PAAF1: variants seen among roughly 807,000 people sequenced by gnomAD.
PAAF1 encodes proteasomal ATPase-associated factor 1.
PAAF1 carries 46 observed loss-of-function variants against 52.8 expected under a neutral mutation model. That is an observed-to-expected ratio of 0.87 (90% confidence interval 0.69 to 1.11). PAAF1 has a LOEUF of 1.11. Among genes scored for constraint, PAAF1 ranks in the 50% most tolerant of loss-of-function variants. PAAF1 has a pLI of 0.00. For synonymous variants in PAAF1, 178 were observed against 172.8 expected, an observed-to-expected ratio of 1.03 and a Z score of -0.24; for missense variants, 424 against 477.4, an observed-to-expected ratio of 0.89 and a Z score of 1.04.
chr11:73,915,046 A>G (rs1044482602), intron 8 of PAAF1, among the ~76,000 whole-genome samples: 4 of 152,228 alleles, frequency 2.6e-5, no homozygotes, highest in African/African-American at 9.6e-5. Flanking sequence ...AGAATAAAAA[A>G]ATAAAATAAA....
intron 6 of PAAF1, among the ~76,000 whole-genome samples, chr11:73,902,998 T>A (rs1159696882): frequency 6.6e-6 from 1 of 152,184 alleles, no homozygotes; most frequent in Non-Finnish European, 1.5e-5. Flanking sequence ...GCGCCCGGCC[T>A]AGAATGTTAA....
intron 4 of PAAF1, among the ~76,000 whole-genome samples, chr11:73,896,736 T>C (rs1228640192): frequency 6.6e-6 from 1 of 152,218 alleles, no homozygotes; most frequent in African/African-American, 2.4e-5. Context: ...ATTCTCAATC[T>C]TTTCCCCACC....
intron 2 of PAAF1, among the ~76,000 whole-genome samples, chr11:73,882,509 C>G (rs1044574031): frequency 2.7e-5 from 4 of 148,932 alleles, no homozygotes; most frequent in Admixed American, 6.7e-5. Flanking sequence ...TGCAGTGGTG[C>G]GATCTCCGCT....
rs1011295866 is a variant in PAAF1 at position 73,928,133 on chromosome 11, A to G, written c.*771A>G. ...AATAGAAATTGTTAGGCCCAATCCTAGACCTAAATCAGAAATTCTACGGGT... is the reference window on the plus strand; with the variant it reads ...AATAGAAATTGTTAGGCCCAATCCTGGACCTAAATCAGAAATTCTACGGGT... On this transcript the variant is annotated 3_prime_UTR_variant, in exon 12 of 12. Coordinates refer to ENST00000310571, the MANE Select transcript of PAAF1 (RefSeq NM_025155.3). 6.6e-6 allele frequency: 1 copy of G among 152,266 alleles called. No individual in the cohort carries two copies. The highest frequency in any genetic ancestry group is 2.1e-4 in the South Asian group (1 of 4,832). 9.4% of individuals were successfully genotyped at this position (152,266 alleles called of 1,614,324 possible). A position where few individuals can be genotyped will look rare whatever the true frequency, so the allele number is the denominator to read the frequency against.
In PAAF1 at chr11:73,930,740, C is replaced by G. The variant is rs937877783; in HGVS notation, c.*3378C>G. 3 of 148,996 alleles carry G rather than the reference C, an allele frequency of 2.0e-5. No homozygotes were observed. Among genetic ancestry groups the G allele is most frequent in the Non-Finnish European group, 4.4e-5 (3 of 67,478 alleles). The allele number at this position is 148,996 out of a possible 1,614,324, so 9.2% of individuals were successfully genotyped here. A position where few individuals can be genotyped will look rare whatever the true frequency, so the allele number is the denominator to read the frequency against. On this transcript the variant is annotated 3_prime_UTR_variant, in exon 12 of 12. Coordinates refer to ENST00000310571, the MANE Select transcript of PAAF1 (RefSeq NM_025155.3). ...CCAGCTTGGGCAACAGAGCGAGACTCTCTCTCAAAAAAGAAAAAAAAAATA... is the reference window on the plus strand; with the variant it reads ...CCAGCTTGGGCAACAGAGCGAGACTGTCTCTCAAAAAAGAAAAAAAAAATA...
At chr11:73,898,496 G>A (rs1181454591) in intron 4 of PAAF1, among the ~76,000 whole-genome samples, 1 of 152,052 alleles carries the variant, frequency 6.6e-6, no homozygotes, top group Non-Finnish European at 1.5e-5. Context: ...GATTACACAG[G>A]TGTGAGCCAC....
At chr11:73,907,477 T>G (rs186982227) in intron 6 of PAAF1, among the ~76,000 whole-genome samples, 6 of 152,308 alleles carry the variant, frequency 3.9e-5, no homozygotes, top group Admixed American at 3.9e-4. Context: ...CCACCTGACT[T>G]GCATCACCTC....
At chr11:73,901,548 CTG>C (rs1444677171) in intron 6 of PAAF1, among the ~76,000 whole-genome samples, 1 of 151,718 alleles carries the variant, frequency 6.6e-6, no homozygotes, top group Non-Finnish European at 1.5e-5. Flanking sequence ...ATTTTTAACT[CTG>C]TGTTTTTGTG....
intron 10 of PAAF1, chr11:73,921,604 T>G: frequency 1.5e-6 from 1 of 646,976 alleles, no homozygotes; most frequent in Non-Finnish European, 3.0e-6. Context: ...TCGTATATCT[T>G]GCTGGAAAAT....
chr11:73,888,177 TG>T (rs1949112603), intron 3 of PAAF1, among the ~76,000 whole-genome samples: 1 of 152,256 alleles, frequency 6.6e-6, no homozygotes, highest in Non-Finnish European at 1.5e-5. Context: ...CAAAACTCCA[TG>T]TATATTTTAC....
chr11:73,925,465 CAAAAA>C (rs369208529), intron 11 of PAAF1, among the ~76,000 whole-genome samples: 1 of 83,526 alleles, frequency 1.2e-5, no homozygotes. Context: ...GACCCTGTCT[CAAAAA>C]AAAAAAAAAA....
chr11:73,908,309 A>G (rs192913183), intron 6 of PAAF1, among the ~76,000 whole-genome samples: 15 of 144,428 alleles, frequency 1.0e-4, no homozygotes, highest in Admixed American at 2.8e-4. Context: ...GTATATATGT[A>G]TATATATGTG....
intron 9 of PAAF1, among the ~76,000 whole-genome samples, chr11:73,918,357 T>TTTTTTG: frequency 1.6e-5 from 2 of 122,288 alleles, no homozygotes; most frequent in African/African-American, 3.8e-5. Context: ...ACTTAATTTT[T>TTTTTTG]TTTTTTTTTT....
chr11:73,898,268 G>A (rs1949488728), intron 4 of PAAF1, among the ~76,000 whole-genome samples: 1 of 151,158 alleles, frequency 6.6e-6, no homozygotes, highest in Non-Finnish European at 1.5e-5. Flanking sequence ...GAGAGGGAGA[G>A]GAATAGCTGA....
Position 73,930,056 on chromosome 11 carries a change from C to CAA in PAAF1, c.*2708_*2709dup, listed in dbSNP as rs1251882286. On this transcript the variant is annotated 3_prime_UTR_variant, in exon 12 of 12. Transcript: ENST00000310571. ...GGGCAACAAGAGTGAAACTCCGTCTCAAAAAAAAAAAAAAAGAAAACAGGA... is the reference window on the plus strand; with the variant it reads ...GGGCAACAAGAGTGAAACTCCGTCTCAAAAAAAAAAAAAAAAAGAAAACAGGA... 5.2e-5 allele frequency: 5 copies of CAA among 97,054 alleles called. No homozygotes were observed. Among genetic ancestry groups the CAA allele is most frequent in the Non-Finnish European group, 6.4e-5 (3 of 47,122 alleles). The allele number at this position is 97,054 out of a possible 1,614,324, so 6.0% of individuals were successfully genotyped here.
chr11:73,877,706 T>C (rs750053963), intron 1 of PAAF1, among the ~76,000 whole-genome samples: 6 of 152,062 alleles, frequency 3.9e-5, no homozygotes, highest in Non-Finnish European at 8.8e-5. Flanking sequence ...ACCAACATGG[T>C]GAAACTCCGT....
At chr11:73,879,223 TCACCTTA>T (rs1948826721) in intron 2 of PAAF1, 1 of 153,034 alleles carries the variant, frequency 6.5e-6, no homozygotes, top group South Asian at 2.1e-4. Flanking sequence ...GGTCTCACTG[TCACCTTA>T]AGTTACTGGA....
intron 6 of PAAF1, among the ~76,000 whole-genome samples, chr11:73,904,988 C>T (rs1206244151): frequency 6.6e-6 from 1 of 152,058 alleles, no homozygotes; most frequent in Non-Finnish European, 1.5e-5. Flanking sequence ...TGCAGTGGTG[C>T]ATGTCTGTAA....
chr11:73,921,258 C>T (rs960221375), intron 10 of PAAF1, among the ~76,000 whole-genome samples: 1 of 151,284 alleles, frequency 6.6e-6, no homozygotes, highest in African/African-American at 2.4e-5. Context: ...CAAGATTGTA[C>T]CACCGCACTC....
Sources: allele counts gnomAD v4.1 joint callset (sites outside exome capture counted in the v4.1 genomes callset), GRCh38; gene constraint gnomAD v4.1.1; transcripts MANE v1.5; gene names NCBI Gene and HGNC (gene_info 2026-07-23, HGNC 2026-07-21).